The following MALRD1 variants were observed in gnomAD, a reference collection of about 807,000 sequenced individuals.
MALRD1 encodes the protein MAM and LDL-receptor class A domain-containing protein 1.
Under a neutral mutation model 242.1 loss-of-function variants are expected in MALRD1, and 247 were observed. That is an observed-to-expected ratio of 1.02 (90% CI 0.92 to 1.13). MALRD1 has a LOEUF of 1.13. MALRD1 is among the 50% of genes most tolerant of loss of function. The pLI is 0.00. For synonymous variants in MALRD1, 995 were observed against 866.6 expected, an observed-to-expected ratio of 1.15 and a Z score of -2.60; for missense variants, 2,989 against 2,533.1, an observed-to-expected ratio of 1.18 and a Z score of -3.86.
rs1206511282 is a variant in MALRD1 at position 19,597,520 on chromosome 10, AT to A, written c.5944+2064del. Among the ~76,000 whole-genome samples, 6 of 152,226 alleles carry A rather than the reference AT, an allele frequency of 3.9e-5. No individual in the cohort carries two copies. In the East Asian group the frequency reaches 1.2e-3, roughly 29 times the overall value. On this transcript the variant is annotated intron_variant, in intron 34 of 39. Coordinates refer to ENST00000454679, the MANE Select transcript of MALRD1 (RefSeq NM_001142308.3). ...CACAATTCACCAAACATTTGAAGAT[AT>A]AACAGACTTTGAGGGCTTTCCTATT...
At chr10:19,507,145 C>T (rs966888327) in intron 31 of MALRD1, among the ~76,000 whole-genome samples, 1 of 151,994 alleles carries the variant, frequency 6.6e-6, no homozygotes, top group Non-Finnish European at 1.5e-5. Context: ...AAAGAGAGCA[C>T]CGAGCCATAA....
chr10:19,528,897 G>A (rs1589199530), intron 31 of MALRD1, among the ~76,000 whole-genome samples: 1 of 152,130 alleles, frequency 6.6e-6, no homozygotes, highest in Non-Finnish European at 1.5e-5. Context: ...ACAGAGTATC[G>A]TAACTTACCT....
In MALRD1 at chr10:19,278,133, A is replaced by T. The variant is rs73593863; in HGVS notation, c.3080-1914A>T. Among the ~76,000 whole-genome samples, 937 of 152,294 alleles carry T rather than the reference A, an allele frequency of 6.2e-3. 12 individuals carry two copies. The highest frequency in any genetic ancestry group is 0.022 in the African/African-American group (896 of 41,556). On this transcript the variant is annotated intron_variant, in intron 19 of 39. Coordinates refer to ENST00000454679, the MANE Select transcript of MALRD1 (RefSeq NM_001142308.3). ...CTCCAGTTCCATATCTAATGAGTCA[A>T]TCAGACACATGCTTATCATATCACA...
At chr10:19,114,636 T>G (rs939687764) in intron 5 of MALRD1, among the ~76,000 whole-genome samples, 1 of 152,084 alleles carries the variant, frequency 6.6e-6, no homozygotes, top group African/African-American at 2.4e-5. Context: ...AAAAATGATA[T>G]TTAGATTTCC....
chr10:19,323,866 C>A, intron 21 of MALRD1, 83 bp from the exon 22 acceptor site: 1 of 1,325,704 alleles, frequency 7.5e-7, no homozygotes, highest in Non-Finnish European at 1.0e-6. Flanking sequence ...CTGCCTCAGC[C>A]TCCCAAATTC....
At chr10:19,282,412 G>A (rs7075528) in intron 20 of MALRD1, among the ~76,000 whole-genome samples, 1 of 152,068 alleles carries the variant, frequency 6.6e-6, no homozygotes, top group African/African-American at 2.4e-5. Context: ...TTCATTGAAT[G>A]AATATTTCTT....
rs1450466340 is a variant in MALRD1 at position 19,693,888 on chromosome 10, A to G, written c.6314+1334A>G. The stretch of plus-strand genomic sequence containing the variant: ...GGTACCAAAACAGAGATATAGACGA[A>G]TGGAACAGAACAGAGCCCTCAGAAA... On this transcript the variant is annotated intron_variant, in intron 38 of 39. Transcript: ENST00000454679. Among the ~76,000 whole-genome samples, 4 of 152,178 alleles carry G rather than the reference A, an allele frequency of 2.6e-5. No homozygotes were observed. The East Asian group carries it at 7.7e-4, about 29-fold the overall frequency.
chr10:19,096,225 G>A (rs368369260), intron 4 of MALRD1, among the ~76,000 whole-genome samples: 42 of 152,186 alleles, frequency 2.8e-4, no homozygotes, highest in African/African-American at 9.9e-4. Flanking sequence ...GATACATCCT[G>A]AGTTCTGATG....
chr10:19,464,856 C>A (rs1270337818), intron 29 of MALRD1, among the ~76,000 whole-genome samples: 1 of 151,966 alleles, frequency 6.6e-6, no homozygotes, highest in Admixed American at 6.6e-5. Flanking sequence ...GGACGTGTTT[C>A]CATTTGTTTG....
At chr10:19,173,580 T>C (rs1394637883) in intron 13 of MALRD1, among the ~76,000 whole-genome samples, 1 of 152,220 alleles carries the variant, frequency 6.6e-6, no homozygotes, top group African/African-American at 2.4e-5. Flanking sequence ...ATCTATTATC[T>C]GATTAATTTG....
intron 36 of MALRD1, among the ~76,000 whole-genome samples, chr10:19,638,026 A>T (rs568509665): frequency 7.1e-6 from 1 of 141,450 alleles, no homozygotes; most frequent in East Asian, 2.3e-4. Context: ...GCTTGAACCC[A>T]GGAGGCAGGG....
chr10:19,489,733 A>G (rs1371929708), intron 29 of MALRD1, among the ~76,000 whole-genome samples: 7 of 152,164 alleles, frequency 4.6e-5, no homozygotes, highest in Non-Finnish European at 7.3e-5. Context: ...AGCATATTCA[A>G]TGGCAATATG....
chr10:19,103,697 A>G (rs1375387445), intron 4 of MALRD1, among the ~76,000 whole-genome samples: 1 of 152,196 alleles, frequency 6.6e-6, no homozygotes. Flanking sequence ...GGAACTGAAA[A>G]TAGGAGATGG....
At chr10:19,291,440 G>A (rs939655836) in intron 21 of MALRD1, 5 of 152,248 alleles carry the variant, frequency 3.3e-5, no homozygotes, top group East Asian at 3.9e-4. Context: ...CCATTGAGAG[G>A]GGAAAGGTGG....
At chr10:19,541,976 C>T (rs957448270) in intron 32 of MALRD1, among the ~76,000 whole-genome samples, 1 of 151,980 alleles carries the variant, frequency 6.6e-6, no homozygotes, top group Non-Finnish European at 1.5e-5. Context: ...ATGAAAAGGT[C>T]GACACTCAAG....
intron 19 of MALRD1, among the ~76,000 whole-genome samples, chr10:19,265,854 C>T (rs1241350619): frequency 6.6e-6 from 1 of 151,776 alleles, no homozygotes. Context: ...CTGTCTCTTT[C>T]TCCCCTCAGA....
At chr10:19,066,619 C>A in intron 1 of MALRD1, 100 bp from the exon 2 acceptor site, 2 of 896,422 alleles carry the variant, frequency 2.2e-6, no homozygotes, top group Non-Finnish European at 2.9e-6. Flanking sequence ...TTTATGTTGA[C>A]TTATGTCATT....
chr10:19,166,560 T>C (rs1834694997), intron 13 of MALRD1, among the ~76,000 whole-genome samples: 1 of 152,146 alleles, frequency 6.6e-6, no homozygotes, highest in Non-Finnish European at 1.5e-5. Context: ...TTTCAAAATA[T>C]TTAGGGGATA....
chr10:19,124,501 C>G (rs745604460), intron 6 of MALRD1, 23 bp from the exon 7 acceptor site: 299 of 1,233,370 alleles, frequency 2.4e-4, no homozygotes, highest in Non-Finnish European at 2.9e-4. Flanking sequence ...AATAGTCCAC[C>G]AAGATCTTTT....
Sources: allele counts gnomAD v4.1 joint callset (sites outside exome capture counted in the v4.1 genomes callset), GRCh38; gene constraint gnomAD v4.1.1; transcripts MANE v1.5; gene names NCBI Gene and HGNC (gene_info 2026-07-23, HGNC 2026-07-21).